Variants in ATG2B observed in about 807,000 individuals in gnomAD.
ATG2B encodes the protein autophagy-related protein 2 homolog B.
In ATG2B, 121 loss-of-function variants were observed where a neutral mutation model predicts 241.3. The ratio of observed to expected loss-of-function variants is 0.50; its 90% CI spans 0.43 to 0.58. The LOEUF (loss-of-function observed/expected upper bound fraction) is 0.58, where lower values mean the gene tolerates loss of function less well. ATG2B is among the 20% of genes least tolerant of loss of function. ATG2B has a pLI of 0.00. For synonymous variants in ATG2B, 858 were observed against 876.6 expected (o/e 0.98, Z 0.37); for missense variants, 2,306 against 2,491.6 (o/e 0.93, Z 1.59).
At chr14:96,323,490 G>A (rs1887510641) in intron 16 of ATG2B, among the ~76,000 whole-genome samples, 1 of 152,170 alleles carries the variant, frequency 6.6e-6, no homozygotes, top group African/African-American at 2.4e-5. Flanking sequence ...GGTGTTATTT[G>A]GTTTGTAAAT....
intron 7 of ATG2B, 48 bp downstream of exon 7, chr14:96,334,357 A>T (rs12147911): frequency 1.5e-6 from 2 of 1,293,696 alleles, no homozygotes; most frequent in African/African-American, 1.5e-5. Flanking sequence ...AAAGTTTTTT[A>T]AAATTTAAAA....
chr14:96,363,161 G>C lies in ATG2B; in HGVS notation c.-185C>G. ...CGCCGCACCGCTCGCGCTGGGCCTG[G>C]CGGAGGCAAGACGCAGAGGGGTCCT... is the stretch of plus-strand genomic sequence containing the variant. On this transcript the variant is annotated 5_prime_UTR_variant, in exon 1 of 42. Transcript: ENST00000359933. 3.2e-6 allele frequency: 2 copies of C among 624,380 alleles called. No homozygotes were observed. The highest frequency in any genetic ancestry group is 5.5e-6 in the Non-Finnish European group (2 of 362,006). 38.7% of individuals were successfully genotyped at this position (624,380 alleles called of 1,614,324 possible). A position where few individuals can be genotyped will look rare whatever the true frequency, so the allele number is the denominator to read the frequency against.
intron 20 of ATG2B, 55 bp downstream of exon 20, chr14:96,317,090 G>C (rs1887334025): frequency 2.8e-6 from 4 of 1,440,032 alleles, no homozygotes; most frequent in Admixed American, 2.0e-5. Context: ...TATCCTAGCA[G>C]ATTTATTTAA....
chr14:96,301,993 C>T lies in ATG2B; in HGVS notation c.5139+14G>A, dbSNP rs751838102. On this transcript the variant is annotated intron_variant, in intron 34 of 41. Coordinates refer to ENST00000359933, the MANE Select transcript of ATG2B (RefSeq NM_018036.7). ...TCTAACTGTAACGGCAGGAATCACG[C>T]TCATGCTACAAACCTGGTCAATATT... 3.8e-6 allele frequency: 6 copies of T among 1,596,174 alleles called. No individual in the cohort carries two copies. Among genetic ancestry groups the T allele is most frequent in the Admixed American group, 1.7e-5 (1 of 59,244 alleles).
chr14:96,322,514 C>T (rs777087037), intron 17 of ATG2B, 26 bp downstream of exon 17: 32 of 1,587,052 alleles, frequency 2.0e-5, no homozygotes, highest in Non-Finnish European at 2.7e-5. Context: ...TAGTATTATT[C>T]CTTTGTAGCT....
intron 36 of ATG2B, chr14:96,293,256 C>G (rs1359982583): frequency 6.6e-6 from 1 of 152,206 alleles, no homozygotes; most frequent in Non-Finnish European, 1.5e-5. Flanking sequence ...CAATCACTAC[C>G]AGAAGCCTCA....
In ATG2B at chr14:96,336,911, G is replaced by A. The variant is rs575304616; in HGVS notation, c.925-2410C>T. On this transcript the variant is annotated intron_variant, in intron 6 of 41. Coordinates refer to ENST00000359933, the MANE Select transcript of ATG2B (RefSeq NM_018036.7). ...GCACCATCTGAAGAAGGACAGAGCA[G>A]TAAACAGAAGGGGCCTGAGTAATCA... Among the ~76,000 whole-genome samples the A allele has an allele frequency of 7.2e-5, 11 of 152,314 alleles. No homozygotes were observed. In the East Asian group the frequency reaches 1.9e-3, roughly 27 times the overall value.
At chr14:96,324,960 C>G (rs958967993) in intron 15 of ATG2B, among the ~76,000 whole-genome samples, 6 of 152,042 alleles carry the variant, frequency 3.9e-5, no homozygotes, top group Non-Finnish European at 7.4e-5. Flanking sequence ...GGTCTAGGAA[C>G]CACAGGATAA....
intron 29 of ATG2B, among the ~76,000 whole-genome samples, chr14:96,308,799 C>A (rs1887073212): frequency 1.3e-5 from 2 of 152,122 alleles, no homozygotes; most frequent in Non-Finnish European, 2.9e-5. Context: ...GAAGAAAATA[C>A]TGTTGAAATA....
At chr14:96,292,890 TATATGCCACAC>T (rs1356944568) in intron 36 of ATG2B, 1 of 152,252 alleles carries the variant, frequency 6.6e-6, no homozygotes, top group Non-Finnish European at 1.5e-5. Flanking sequence ...AGTATTTGCA[TATATGCCACAC>T]ATATCCTTTC....
chr14:96,317,101 A>G (rs765357474), intron 20 of ATG2B, 44 bp downstream of exon 20: 1 of 1,491,100 alleles, frequency 6.7e-7, no homozygotes, highest in Non-Finnish European at 9.2e-7. Flanking sequence ...ATTTATTTAA[A>G]GTAAGATACA....
chr14:96,358,852 A>T (rs548870410), intron 1 of ATG2B, among the ~76,000 whole-genome samples: 5 of 152,092 alleles, frequency 3.3e-5, no homozygotes, highest in Non-Finnish European at 7.4e-5. Flanking sequence ...TAAATGCCCC[A>T]CCATAGAGTC....
Position 96,305,729 on chromosome 14 carries a change from CTTA to C in ATG2B, c.4590_4592del (p.Asn1530del), listed in dbSNP as rs779163225. ...GTAAGGGGGCTTTGCTCGTATCGGT[CTTA>C]TTAACGGGCAGACTGAAATAATTGT... On this transcript the variant is annotated inframe_deletion, in exon 31 of 42. Coordinates refer to ENST00000359933, the MANE Select transcript of ATG2B (RefSeq NM_018036.7). The C allele has an allele frequency of 1.9e-6, 3 of 1,614,184 alleles. No individual in the cohort carries two copies. The highest frequency in any genetic ancestry group is 1.3e-5 in the African/African-American group (1 of 75,056).
chr14:96,363,330 G>A lies in ATG2B; in HGVS notation c.-354C>T. The A allele has an allele frequency of 4.0e-6, 1 of 250,858 alleles. No individual in the cohort carries two copies. The highest frequency in any genetic ancestry group is 7.9e-6 in the Non-Finnish European group (1 of 127,156). The allele number at this position is 250,858 out of a possible 1,614,324, so 15.5% of individuals were successfully genotyped here. A position where few individuals can be genotyped will look rare whatever the true frequency, so the allele number is the denominator to read the frequency against. On this transcript the variant is annotated 5_prime_UTR_variant, in exon 1 of 42. The change creates a new upstream start codon in the 5' untranslated region. Coordinates refer to ENST00000359933, the MANE Select transcript of ATG2B (RefSeq NM_018036.7). Reference sequence around the variant, plus strand: ...GAATTTGTTGTCATCCGCGAGGCGCGTTCCCGGCTGTAGGGACGCTCCTGG... The same window carrying A: ...GAATTTGTTGTCATCCGCGAGGCGCATTCCCGGCTGTAGGGACGCTCCTGG...
chr14:96,341,391 G>A, intron 6 of ATG2B, 131 bp downstream of exon 6: 2 of 618,968 alleles, frequency 3.2e-6, no homozygotes. Flanking sequence ...GAGTAAAAAT[G>A]CTAACTCGGT....
intron 41 of ATG2B, among the ~76,000 whole-genome samples, chr14:96,287,484 G>A (rs759522147): frequency 1.2e-4 from 19 of 152,114 alleles, no homozygotes; most frequent in Non-Finnish European, 2.2e-4. Flanking sequence ...CCACCACTAC[G>A]TTTGCGGACA....
At chr14:96,350,579 G>A (rs549737223) in intron 1 of ATG2B, among the ~76,000 whole-genome samples, 1 of 152,182 alleles carries the variant, frequency 6.6e-6, no homozygotes, top group Non-Finnish European at 1.5e-5. Flanking sequence ...ATTTTTAAAA[G>A]ACAATTTACT....
intron 29 of ATG2B, 132 bp from the exon 30 acceptor site, chr14:96,307,048 G>T: frequency 3.7e-6 from 3 of 804,362 alleles, no homozygotes; most frequent in Admixed American, 2.7e-5. Context: ...ATAAGTCTAT[G>T]AATCTGAGGC....
chr14:96,360,236 C>T (rs906081391), intron 1 of ATG2B, among the ~76,000 whole-genome samples: 1 of 152,196 alleles, frequency 6.6e-6, no homozygotes, highest in African/African-American at 2.4e-5. Context: ...GTATTTATGA[C>T]AATGACTATC....
Sources: gnomAD v4.1 joint callset for allele counts (sites outside exome capture counted in the v4.1 genomes callset) on GRCh38, gnomAD v4.1.1 for gene constraint, MANE v1.5 for transcripts, NCBI Gene and HGNC (gene_info 2026-07-23, HGNC 2026-07-21) for gene names.